RAP1GAP2: variants seen among roughly 807,000 people sequenced by gnomAD.
RAP1GAP2 encodes the protein rap1 GTPase-activating protein 2.
Under a neutral mutation model 95.0 loss-of-function variants are expected in RAP1GAP2, and 27 were observed. The ratio of observed to expected loss-of-function variants is 0.28; its 90% CI spans 0.21 to 0.39. RAP1GAP2 has a LOEUF of 0.39. RAP1GAP2 is among the 10% of genes least tolerant of loss of function. The pLI is 1.00. For synonymous variants in RAP1GAP2, 373 were observed against 380.9 expected (o/e 0.98, Z 0.24); for missense variants, 771 against 970.0 (o/e 0.79, Z 2.72).
intron 11 of RAP1GAP2, among the ~76,000 whole-genome samples, chr17:2,987,603 C>T (rs537110317): frequency 3.9e-5 from 6 of 152,186 alleles, no homozygotes; most frequent in Non-Finnish European, 7.4e-5. Context: ...TCAGGTGATC[C>T]GCCTGCCTTG....
At chr17:2,885,028 C>CTTTTTTTTTTT (rs891984333) in intron 2 of RAP1GAP2, among the ~76,000 whole-genome samples, 3 of 112,506 alleles carry the variant, frequency 2.7e-5, no homozygotes, top group African/African-American at 3.6e-5. Flanking sequence ...TTATTTCTTT[C>CTTTTTTTTTTT]TTTTTTTTTT....
chr17:2,950,838 T>C (rs2043898750), intron 3 of RAP1GAP2, among the ~76,000 whole-genome samples: 1 of 152,018 alleles, frequency 6.6e-6, no homozygotes, highest in African/African-American at 2.4e-5. Context: ...CTTGAACTCC[T>C]GACCTCAAGT....
chr17:2,909,856 G>T (rs2151741349), intron 3 of RAP1GAP2, among the ~76,000 whole-genome samples: 1 of 152,324 alleles, frequency 6.6e-6, no homozygotes, highest in Admixed American at 6.5e-5. Context: ...GGGTCCTTCT[G>T]TGGTTGGGGT....
intron 2 of RAP1GAP2, among the ~76,000 whole-genome samples, chr17:2,814,491 T>C (rs2069915969): frequency 6.6e-6 from 1 of 152,122 alleles, no homozygotes; most frequent in Non-Finnish European, 1.5e-5. Flanking sequence ...CCCATCGGCA[T>C]GGAAGGCTCT....
Position 2,797,798 on chromosome 17 carries a change from C to T in RAP1GAP2, c.44+1227C>T, listed in dbSNP as rs563452884. On this transcript the variant is annotated intron_variant, in intron 1 of 24. Transcript: ENST00000254695. This position sits in a 1 kb window ranked among gnomAD's most constrained non-coding sequence, Gnocchi z 5.6. ...CACCCCGAGGGTAGGTGCCAGTGTC[C>T]GGGAGGCAGCAGAGGACTTGGCTTC... The T allele has an allele frequency of 8.0e-5, 79 of 985,154 alleles. No homozygotes were observed. In the African/African-American group the frequency reaches 1.1e-3, roughly 14 times the overall value. The allele number at this position is 985,154 out of a possible 1,614,324, so 61.0% of individuals were successfully genotyped here.
chr17:2,879,942 G>A (rs184929784), intron 2 of RAP1GAP2, among the ~76,000 whole-genome samples: 1 of 152,180 alleles, frequency 6.6e-6, no homozygotes, highest in African/African-American at 2.4e-5. Context: ...GAGACCGCAG[G>A]GTCCTTCAGG....
At chr17:2,926,779 C>T (rs943141130) in intron 3 of RAP1GAP2, among the ~76,000 whole-genome samples, 1 of 151,718 alleles carries the variant, frequency 6.6e-6, no homozygotes, top group Non-Finnish European at 1.5e-5. Context: ...CCGAGGCGGG[C>T]GGATCACCTG....
chr17:2,911,537 C>T (rs901898665), intron 3 of RAP1GAP2, among the ~76,000 whole-genome samples: 7 of 151,894 alleles, frequency 4.6e-5, no homozygotes, highest in African/African-American at 9.7e-5. Flanking sequence ...TGGGTCACAT[C>T]GAAGCTGCAG....
At chr17:2,905,449 C>A in intron 3 of RAP1GAP2, 81 bp downstream of exon 3, 1 of 1,404,144 alleles carries the variant, frequency 7.1e-7, no homozygotes, top group Non-Finnish European at 9.9e-7. Flanking sequence ...TGGCTCCAGG[C>A]CCAGCAGCGT....
intron 11 of RAP1GAP2, among the ~76,000 whole-genome samples, chr17:2,990,156 T>TCTTTCTCCTTTTGGGCC (rs2045703564): frequency 6.6e-6 from 1 of 152,254 alleles, no homozygotes; most frequent in Non-Finnish European, 1.5e-5. Flanking sequence ...ACATTTGGGT[T>TCTTTCTCCTTTTGGGCC]CTTTCTCCTT....
chr17:2,849,399 G>A (rs986966726), intron 2 of RAP1GAP2, among the ~76,000 whole-genome samples: 1 of 152,216 alleles, frequency 6.6e-6, no homozygotes, highest in Non-Finnish European at 1.5e-5. Context: ...GCTCTCTGAC[G>A]AGGGGCACGG....
At chr17:2,939,699 G>C (rs8064891) in intron 3 of RAP1GAP2, among the ~76,000 whole-genome samples, 10 of 152,038 alleles carry the variant, frequency 6.6e-5, no homozygotes, top group East Asian at 3.9e-4. Flanking sequence ...AGGGATGGAG[G>C]GGGGAGGCTT....
intron 3 of RAP1GAP2, among the ~76,000 whole-genome samples, chr17:2,920,871 C>T (rs2042740864): frequency 6.6e-6 from 1 of 152,200 alleles, no homozygotes; most frequent in African/African-American, 2.4e-5. Context: ...TTCTGCCACC[C>T]ACCCCCATCC....
chr17:2,909,544 A>C (rs2042303363), intron 3 of RAP1GAP2, among the ~76,000 whole-genome samples: 1 of 152,170 alleles, frequency 6.6e-6, no homozygotes, highest in Non-Finnish European at 1.5e-5. Context: ...TTTTTAACAT[A>C]TTCTTTCAAA....
intron 2 of RAP1GAP2, among the ~76,000 whole-genome samples, chr17:2,862,284 T>C (rs2072432492): frequency 6.6e-6 from 1 of 152,206 alleles, no homozygotes; most frequent in African/African-American, 2.4e-5. Flanking sequence ...AGAGGGGCAG[T>C]GGGCGTCTGA....
chr17:2,795,738 G>A (rs574815385), upstream of RAP1GAP2, among the ~76,000 whole-genome samples: 17 of 152,308 alleles, frequency 1.1e-4, no homozygotes, highest in African/African-American at 3.4e-4. Flanking sequence ...GTGTCCAATG[G>A]GGCTTTGTCA....
At chr17:2,911,127 T>C (rs1054505063) in intron 3 of RAP1GAP2, among the ~76,000 whole-genome samples, 6 of 152,324 alleles carry the variant, frequency 3.9e-5, no homozygotes, top group East Asian at 3.9e-4. Flanking sequence ...AAGGGCTGGC[T>C]GGAGCAGTAG....
At chr17:2,826,240 C>T (rs2070557721) in intron 2 of RAP1GAP2, among the ~76,000 whole-genome samples, 1 of 149,762 alleles carries the variant, frequency 6.7e-6, no homozygotes, top group Non-Finnish European at 1.5e-5. Flanking sequence ...CGTGATCTCC[C>T]CGCCTCGGCC....
chr17:2,790,980 G>A (rs1027978464), intron 1 of RAP1GAP2, among the ~76,000 whole-genome samples: 1 of 152,238 alleles, frequency 6.6e-6, no homozygotes, highest in Non-Finnish European at 1.5e-5. Flanking sequence ...TGAGGTGGAC[G>A]GATCTTTTGA....
Sources: gnomAD v4.1 joint callset for allele counts (sites outside exome capture counted in the v4.1 genomes callset) on GRCh38, gnomAD v4.1.1 for gene constraint, Gnocchi (gnomAD v3.1) non-coding constraint, MANE v1.5 for transcripts, NCBI Gene and HGNC (gene_info 2026-07-23, HGNC 2026-07-21) for gene names.